MEGF6: variants seen among roughly 807,000 people sequenced by gnomAD.
MEGF6 encodes the protein multiple epidermal growth factor-like domains protein 6.
In MEGF6, 184 loss-of-function variants were observed where a neutral mutation model predicts 207.1. The observed-to-expected ratio is 0.89, with a 90% CI of 0.79 to 1.00. The LOEUF (loss-of-function observed/expected upper bound fraction) is 1.00, where lower values mean the gene tolerates loss of function less well. Ranked by LOEUF, MEGF6 falls within the 50% of genes least tolerant of loss-of-function variation. The pLI is 0.00. For synonymous variants in MEGF6, 1,038 were observed against 910.0 expected (o/e 1.14, Z -2.53); for missense variants, 2,282 against 2,202.9 (o/e 1.04, Z -0.72).
At chr1:3,501,144 T>TTTGCCC in intron 19 of MEGF6, 33 bp downstream of exon 19, 1 of 1,612,322 alleles carries the variant, frequency 6.2e-7, no homozygotes, top group Non-Finnish European at 8.5e-7. Flanking sequence ...CTACCCCAGG[T>TTTGCCC]CAAAGGCTCA....
At chr1:3,595,201 G>A (rs1371846033) in intron 3 of MEGF6, 137 bp downstream of exon 3, 4 of 615,104 alleles carry the variant, frequency 6.5e-6, no homozygotes, top group Non-Finnish European at 1.1e-5. Context: ...AAACGGCGTT[G>A]CTGAGCGAGT....
intron 21 of MEGF6, 56 bp from the exon 22 acceptor site, chr1:3,499,980 C>T: frequency 1.3e-6 from 2 of 1,501,532 alleles, no homozygotes; most frequent in Non-Finnish European, 8.9e-7. Flanking sequence ...CCTGACCCAG[C>T]CGTGCCCGGG....
At chr1:3,582,849 C>G (rs1171862571) in intron 3 of MEGF6, among the ~76,000 whole-genome samples, 1 of 152,212 alleles carries the variant, frequency 6.6e-6, no homozygotes, top group Non-Finnish European at 1.5e-5. Context: ...CTCTTGCCCC[C>G]TCTAGTGCCT....
chr1:3,519,481 C>T (rs961567160), intron 5 of MEGF6, among the ~76,000 whole-genome samples: 6 of 152,386 alleles, frequency 3.9e-5, no homozygotes, highest in Non-Finnish European at 7.3e-5. Context: ...CGCGCCTACT[C>T]GCTGCTGAGC....
At chr1:3,492,045 G>A (rs1640394849) in intron 35 of MEGF6, among the ~76,000 whole-genome samples, 2 of 152,148 alleles carry the variant, frequency 1.3e-5, no homozygotes, top group East Asian at 3.9e-4. Flanking sequence ...GCACTGGCAC[G>A]CACAGGTGCC....
chr1:3,539,511 G>T (rs779895840), intron 4 of MEGF6, among the ~76,000 whole-genome samples: 4 of 152,258 alleles, frequency 2.6e-5, no homozygotes, highest in Non-Finnish European at 5.9e-5. Flanking sequence ...GGCACAGGGG[G>T]AACGTGACTT....
In MEGF6 at chr1:3,508,572, A is replaced by T; in HGVS notation, c.1646T>A (p.Leu549His). ...GCDCPEGWTG[L>H]ICNETCPPDT... ...AGCTGCCTCACTCTCATTGCAGATGAGCCCAGTCCAGCCCTCGGGGCAATC... is the reference window on the plus strand; with the variant it reads ...AGCTGCCTCACTCTCATTGCAGATGTGCCCAGTCCAGCCCTCGGGGCAATC... Residue 549 changes from leucine to histidine, a missense_variant, in exon 13 of 37, where the codon CTC becomes CAC. Transcript: ENST00000356575. 6.2e-7 allele frequency: 1 copy of T among 1,613,142 alleles called. No individual in the cohort carries two copies.
intron 32 of MEGF6, 97 bp downstream of exon 32, chr1:3,494,274 C>T: frequency 1.4e-6 from 2 of 1,470,320 alleles, no homozygotes; most frequent in African/African-American, 2.8e-5. Context: ...GGCTCCCCAC[C>T]TCCCCACCAC....
the MEGF6 span, among the ~76,000 whole-genome samples, chr1:3,617,127 C>A: frequency 1.3e-5 from 2 of 151,616 alleles, no homozygotes; most frequent in East Asian, 3.9e-4. Context: ...GCCATGCAGG[C>A]CCCCACAACT....
At chr1:3,536,400 G>A (rs1570084564) in intron 4 of MEGF6, among the ~76,000 whole-genome samples, 1 of 152,336 alleles carries the variant, frequency 6.6e-6, no homozygotes, top group East Asian at 1.9e-4. Context: ...ACCTGGAAGA[G>A]CTGGAGTATA....
upstream of MEGF6, among the ~76,000 whole-genome samples, chr1:3,616,063 G>A (rs60636539): frequency 0.078 from 11,932 of 152,230 alleles, 658 homozygotes; most frequent in East Asian, 0.23. Context: ...GAGAAATAAC[G>A]TAGGGAGAAA....
chr1:3,497,684 C>A (rs905743911), intron 26 of MEGF6: 3 of 506,622 alleles, frequency 5.9e-6, no homozygotes, highest in South Asian at 1.7e-5. Context: ...CCATGGAAGG[C>A]GAAGGAGCCG....
rs1422534400 is a variant in MEGF6, at chr1:3,500,959, CCCGTA to C, written c.2575+2_2575+6del. On this transcript the variant is annotated splice_donor_variant and splice_donor_5th_base_variant and intron_variant, in intron 20 of 36. Coordinates refer to ENST00000356575, the MANE Select transcript of MEGF6 (RefSeq NM_001409.4). LOFTEE classifies it high-confidence loss of function. Reference sequence around the variant, plus strand: ...CTGGACAAAGGGCAAGCCAAGGGCCCCCGTACCTCTCTGGCAGCTAAAGCCGGTCC... The same window carrying C: ...CTGGACAAAGGGCAAGCCAAGGGCCCCCTCTCTGGCAGCTAAAGCCGGTCC... The C allele has an allele frequency of 1.2e-6, 2 of 1,611,286 alleles. No homozygotes were observed. Among genetic ancestry groups the C allele is most frequent in the Non-Finnish European group, 1.7e-6 (2 of 1,179,928 alleles).
Position 3,565,118 on chromosome 1 carries a change from G to A in MEGF6, c.481+14707C>T, listed in dbSNP as rs1478328548. On this transcript the variant is annotated intron_variant, in intron 4 of 36. Coordinates refer to ENST00000356575, the MANE Select transcript of MEGF6 (RefSeq NM_001409.4). This position sits in a 1 kb window ranked among gnomAD's most constrained non-coding sequence, Gnocchi z 4.8. Reference sequence around the variant, plus strand: ...AGGGCCTGGCACGCAGTGGGGTCCGGCGATGGACGCATGAATGAAGCCCCC... The same window carrying A: ...AGGGCCTGGCACGCAGTGGGGTCCGACGATGGACGCATGAATGAAGCCCCC... 6.6e-6 allele frequency among the ~76,000 whole-genome samples: 1 copy of A among 151,972 alleles called. No individual in the cohort carries two copies. Among genetic ancestry groups the A allele is most frequent in the African/African-American group, 2.4e-5 (1 of 41,358 alleles).
chr1:3,511,340 C>T (rs541847860), intron 9 of MEGF6, among the ~76,000 whole-genome samples: 12 of 152,244 alleles, frequency 7.9e-5, no homozygotes, highest in East Asian at 3.9e-4. Context: ...ATGGGCCTGG[C>T]GGGCCGATGT....
Position 3,494,628 on chromosome 1 carries a change from G to A in MEGF6, c.3985C>T (p.Arg1329Trp), listed in dbSNP as rs375406272. 2.0e-5 allele frequency: 31 copies of A among 1,561,182 alleles called. No homozygotes were observed. Among genetic ancestry groups the A allele is most frequent in the Middle Eastern group, 3.7e-4 (2 of 5,362 alleles). The change falls in exon 31 of 37, where the codon CGG (arginine) becomes TGG (tryptophan). Residue 1329 changes from arginine to tryptophan, a missense_variant. Transcript: ENST00000356575. ...SCSCGLGWTG[R>W]HCELACPPGR... ...GCACACTCACCCAGCTCGCAGTGCC[G>A]CCCCGTCCAGCCCAGGCCACAGGAG...
intron 4 of MEGF6, among the ~76,000 whole-genome samples, chr1:3,574,305 G>A (rs1042640535): frequency 1.3e-5 from 2 of 151,266 alleles, no homozygotes; most frequent in African/African-American, 2.4e-5. Context: ...CTTCATTCCC[G>A]ACCCCGTACC....
intron 19 of MEGF6, 34 bp from the exon 20 acceptor site, chr1:3,501,128 G>T (rs1398639596): frequency 1.2e-6 from 2 of 1,612,648 alleles, no homozygotes; most frequent in Admixed American, 3.3e-5. Flanking sequence ...AGTGGGGCCT[G>T]GCCACCTACC....
intron 7 of MEGF6, among the ~76,000 whole-genome samples, chr1:3,514,113 C>T (rs1570015022): frequency 2.0e-5 from 3 of 151,854 alleles, no homozygotes; most frequent in Admixed American, 6.6e-5. Flanking sequence ...CCAGGCCTGG[C>T]GGCGGGTGCC....
Sources: allele counts gnomAD v4.1 joint callset (sites outside exome capture counted in the v4.1 genomes callset), GRCh38; gene constraint gnomAD v4.1.1; non-coding constraint Gnocchi (gnomAD v3.1); transcripts MANE v1.5; gene names NCBI Gene and HGNC (gene_info 2026-07-23, HGNC 2026-07-21).